Variants in SHISA9 observed in about 807,000 individuals in gnomAD.
SHISA9 encodes protein shisa-9.
In SHISA9, 13 loss-of-function variants were observed where a neutral mutation model predicts 38.0. That is an observed-to-expected ratio of 0.34 (90% CI 0.22 to 0.54). The LOEUF (loss-of-function observed/expected upper bound fraction) is 0.54. Among genes scored for constraint, SHISA9 ranks in the 20% least tolerant of loss-of-function variants. The pLI is 0.91. For synonymous variants in SHISA9, 275 were observed against 242.0 expected, an observed-to-expected ratio of 1.14 and a Z score of -1.27; for missense variants, 538 against 575.8, an observed-to-expected ratio of 0.93 and a Z score of 0.67.
the SHISA9 span, among the ~76,000 whole-genome samples, chr16:13,501,173 T>C: frequency 6.6e-6 from 1 of 152,262 alleles, no homozygotes; most frequent in East Asian, 1.9e-4. Flanking sequence ...TCTGCAGACA[T>C]TTTTGCTTGT....
chr16:13,424,580 C>T, the SHISA9 span, among the ~76,000 whole-genome samples: 1 of 152,186 alleles, frequency 6.6e-6, no homozygotes, highest in African/African-American at 2.4e-5. Flanking sequence ...TCCTTAAGTC[C>T]AAATCATATC....
At chr16:13,002,187 T>G (rs2072533925) in intron 2 of SHISA9, among the ~76,000 whole-genome samples, 1 of 152,216 alleles carries the variant, frequency 6.6e-6, no homozygotes, top group South Asian at 2.1e-4. Flanking sequence ...TCCCATTTAG[T>G]TCTCACAAAA....
chr16:13,492,604 C>A, the SHISA9 span, among the ~76,000 whole-genome samples: 1 of 152,158 alleles, frequency 6.6e-6, no homozygotes, highest in African/African-American at 2.4e-5. Context: ...AAGCCAGGGC[C>A]ATGTAAGCCA....
chr16:12,950,840 C>T (rs907219960), intron 2 of SHISA9, among the ~76,000 whole-genome samples: 1 of 151,316 alleles, frequency 6.6e-6, no homozygotes, highest in Non-Finnish European at 1.5e-5. Flanking sequence ...GATCTCCTGA[C>T]CTTGTGATCC....
At chr16:13,438,367 G>A in the SHISA9 span, among the ~76,000 whole-genome samples, 14 of 152,048 alleles carry the variant, frequency 9.2e-5, no homozygotes, top group Non-Finnish European at 1.5e-4. Flanking sequence ...TCATTGTGGC[G>A]TTTGTATCAC....
chr16:13,414,189 C>CT, the SHISA9 span, among the ~76,000 whole-genome samples: 1 of 152,182 alleles, frequency 6.6e-6, no homozygotes, highest in African/African-American at 2.4e-5. Context: ...TCACCAGGTT[C>CT]TTTTTTTACT....
intron 2 of SHISA9, among the ~76,000 whole-genome samples, chr16:13,079,531 C>T (rs985242797): frequency 2.0e-5 from 3 of 152,224 alleles, no homozygotes; most frequent in Admixed American, 6.5e-5. Context: ...GCAAATTACA[C>T]TCATTTTTCC....
the SHISA9 span, among the ~76,000 whole-genome samples, chr16:13,386,655 T>G: frequency 6.6e-6 from 1 of 152,220 alleles, no homozygotes; most frequent in Non-Finnish European, 1.5e-5. Flanking sequence ...TTTTCTTTGA[T>G]GTGGATTGTT....
chr16:13,096,226 G>T (rs986223832), intron 2 of SHISA9, among the ~76,000 whole-genome samples: 1 of 152,184 alleles, frequency 6.6e-6, no homozygotes, highest in African/African-American at 2.4e-5. Context: ...CTTGTTTATA[G>T]TAGACACTCA....
chr16:13,096,828 TG>T (rs1387533057), intron 2 of SHISA9, among the ~76,000 whole-genome samples: 1 of 152,180 alleles, frequency 6.6e-6, no homozygotes, highest in African/African-American at 2.4e-5. Flanking sequence ...TTTTTTCAAC[TG>T]GGAGCTCTCT....
intron 2 of SHISA9, among the ~76,000 whole-genome samples, chr16:13,113,158 C>G (rs930843485): frequency 7.6e-6 from 1 of 132,248 alleles, no homozygotes; most frequent in Non-Finnish European, 1.5e-5. Flanking sequence ...TGCAGTGAGC[C>G]AAGATCATCC....
chr16:13,193,373 A>T (rs1022431225), intron 2 of SHISA9, among the ~76,000 whole-genome samples: 2 of 152,096 alleles, frequency 1.3e-5, no homozygotes, highest in African/African-American at 4.8e-5. Flanking sequence ...TATTTTTTAG[A>T]TGGAGTCTTG....
At chr16:13,281,826 A>C in the SHISA9 span, among the ~76,000 whole-genome samples, 15 of 150,978 alleles carry the variant, frequency 9.9e-5, no homozygotes, top group African/African-American at 3.4e-4. Flanking sequence ...CCACCTTCCT[A>C]GTTTCTGCTT....
At chr16:13,154,855 C>T (rs538323098) in intron 2 of SHISA9, among the ~76,000 whole-genome samples, 3 of 152,292 alleles carry the variant, frequency 2.0e-5, no homozygotes, top group Non-Finnish European at 2.9e-5. Flanking sequence ...GACACGGTTA[C>T]GTGGTTGTTC....
At chr16:13,558,235 G>T in the SHISA9 span, among the ~76,000 whole-genome samples, 2 of 152,170 alleles carry the variant, frequency 1.3e-5, no homozygotes, top group African/African-American at 4.8e-5. Context: ...TGAGGGCAGT[G>T]GTTGACAATT....
chr16:12,977,849 C>G (rs556635594), intron 2 of SHISA9, among the ~76,000 whole-genome samples: 1 of 151,938 alleles, frequency 6.6e-6, no homozygotes, highest in Admixed American at 6.6e-5. Context: ...AGAGCATCAG[C>G]AAAAATAGCT....
intron 1 of SHISA9, chr16:12,902,920 AC>A (rs1291930759): frequency 1.1e-5 from 4 of 365,010 alleles, no homozygotes; most frequent in Non-Finnish European, 2.0e-5. Context: ...ACTGAGGCGG[AC>A]TTGAGACACG....
At chr16:13,256,428 CG>C in the SHISA9 span, among the ~76,000 whole-genome samples, 3 of 152,178 alleles carry the variant, frequency 2.0e-5, no homozygotes, top group Non-Finnish European at 4.4e-5. Flanking sequence ...ATTACAGGCA[CG>C]GGCCACCATG....
intron 2 of SHISA9, among the ~76,000 whole-genome samples, chr16:12,970,342 T>TGTATATATATAC (rs1491529529): frequency 0.08 from 6,172 of 76,878 alleles, 826 homozygotes; most frequent in Non-Finnish European, 0.12. Context: ...TATATATATA[T>TGTATATATATAC]ACATATATGT....
Sources: allele counts gnomAD v4.1 joint callset (sites outside exome capture counted in the v4.1 genomes callset), GRCh38; gene constraint gnomAD v4.1.1; transcripts MANE v1.5; gene names NCBI Gene and HGNC (gene_info 2026-07-23, HGNC 2026-07-21).